The following SVOPL variants were observed in gnomAD, a reference collection of about 807,000 sequenced individuals.
SVOPL encodes the protein SVOP like, also known as putative transporter SVOPL.
A neutral mutation model predicts 61.0 loss-of-function variants in SVOPL; 60 were observed. The ratio of observed to expected loss-of-function variants is 0.98; its 90% confidence interval spans 0.80 to 1.22. The LOEUF (loss-of-function observed/expected upper bound fraction) is 1.22. Among genes scored for constraint, SVOPL ranks in the 50% most tolerant of loss-of-function variants. The pLI is 0.00. For synonymous variants in SVOPL, 279 were observed against 250.0 expected (o/e 1.12, Z -1.09); for missense variants, 662 against 643.9 (o/e 1.03, Z -0.30).
intron 5 of SVOPL, chr7:138,661,970 C>T (rs1802022384): frequency 2.0e-6 from 2 of 985,336 alleles, no homozygotes; most frequent in South Asian, 4.7e-5. Context: ...TCCTCTTGAA[C>T]TTGCTGCATG....
At chr7:138,648,172 G>A (rs915740195) in intron 8 of SVOPL, among the ~76,000 whole-genome samples, 11 of 152,128 alleles carry the variant, frequency 7.2e-5, no homozygotes, top group Admixed American at 1.3e-4. Context: ...GCATCCAACA[G>A]GTGGTGCTGA....
chr7:138,617,125 C>T (rs1405741624), intron 14 of SVOPL, among the ~76,000 whole-genome samples: 4 of 152,116 alleles, frequency 2.6e-5, no homozygotes, highest in African/African-American at 4.8e-5. Flanking sequence ...CCCTCCACCA[C>T]GCCTGGCCTA....
intron 4 of SVOPL, among the ~76,000 whole-genome samples, chr7:138,667,156 T>C (rs543352625): frequency 6.6e-6 from 1 of 152,290 alleles, no homozygotes; most frequent in South Asian, 2.1e-4. Context: ...TCGGGACTCC[T>C]AAACTCATTA....
chr7:138,638,681 G>A (rs893066975), intron 9 of SVOPL, among the ~76,000 whole-genome samples: 3 of 151,968 alleles, frequency 2.0e-5, no homozygotes, highest in African/African-American at 4.8e-5. Context: ...AAGGTCCAAA[G>A]CCATATAAAT....
intron 9 of SVOPL, among the ~76,000 whole-genome samples, chr7:138,631,508 G>A (rs1041483711): frequency 6.6e-6 from 1 of 151,790 alleles, no homozygotes; most frequent in Non-Finnish European, 1.5e-5. Context: ...CAAGACCCAC[G>A]GCACATTCCC....
chr7:138,619,752 C>T (rs1799467597), intron 14 of SVOPL, among the ~76,000 whole-genome samples: 1 of 152,172 alleles, frequency 6.6e-6, no homozygotes, highest in African/African-American at 2.4e-5. Flanking sequence ...TTATGTATAA[C>T]CCTGACTGTG....
intron 13 of SVOPL, among the ~76,000 whole-genome samples, chr7:138,622,266 C>G (rs201348902): frequency 5.2e-4 from 45 of 86,676 alleles, no homozygotes; most frequent in Non-Finnish European, 7.4e-4. Flanking sequence ...ATCTATCTAT[C>G]TATGTATCTA....
intron 1 of SVOPL, among the ~76,000 whole-genome samples, chr7:138,686,405 C>CAAAAAAA (rs200553829): frequency 2.3e-5 from 2 of 88,738 alleles, no homozygotes; most frequent in African/African-American, 8.4e-5. Flanking sequence ...GACTCCGCCT[C>CAAAAAAA]AAAAAAAAAA....
At chr7:138,680,681 C>A (rs971865593) in intron 1 of SVOPL, among the ~76,000 whole-genome samples, 9 of 152,008 alleles carry the variant, frequency 5.9e-5, no homozygotes, top group Non-Finnish European at 1.0e-4. Context: ...CGGGTTCATG[C>A]CATTCTCCTG....
intron 13 of SVOPL, among the ~76,000 whole-genome samples, chr7:138,623,579 G>A (rs562764021): frequency 1.3e-5 from 2 of 151,846 alleles, no homozygotes; most frequent in Non-Finnish European, 2.9e-5. Flanking sequence ...CAGCCTGGGC[G>A]ACAGAACAAG....
At chr7:138,634,398 T>G (rs1217603083) in intron 9 of SVOPL, among the ~76,000 whole-genome samples, 1 of 151,606 alleles carries the variant, frequency 6.6e-6, no homozygotes, top group Non-Finnish European at 1.5e-5. Context: ...ATTCCAGCAC[T>G]TTGGGAGGCC....
In SVOPL at chr7:138,620,225, A is replaced by G. The variant is rs537690076; in HGVS notation, c.1353+821T>C. ...AACCTCTGCCTCCCGGGTTCGAGTG[A>G]TTCTCGTGCCTCAGCCTCCTGAGTA... is the stretch of plus-strand genomic sequence containing the variant. On this transcript the variant is annotated intron_variant, in intron 14 of 15. Coordinates refer to ENST00000674285, the MANE Select transcript of SVOPL (RefSeq NM_001139456.2). Among the ~76,000 whole-genome samples the G allele has an allele frequency of 1.5e-4, 21 of 140,620 alleles. No individual in the cohort carries two copies. In the East Asian group the frequency reaches 4.1e-3, roughly 27 times the overall value. 92.3% of individuals were successfully genotyped at this position (140,620 alleles called of 152,430 possible). A position where few individuals can be genotyped will look rare whatever the true frequency, so the allele number is the denominator to read the frequency against.
chr7:138,652,503 C>T (rs949950467), intron 7 of SVOPL, among the ~76,000 whole-genome samples: 1 of 152,166 alleles, frequency 6.6e-6, no homozygotes, highest in Non-Finnish European at 1.5e-5. Context: ...TTATTTAAAT[C>T]TAAAGCTAGA....
intron 14 of SVOPL, among the ~76,000 whole-genome samples, chr7:138,602,130 C>A (rs554553550): frequency 7.2e-5 from 11 of 152,056 alleles, no homozygotes; most frequent in African/African-American, 2.2e-4. Context: ...ATCACTTGAG[C>A]CCAAAGTTTG....
chr7:138,644,197 CAAAAAAAAAAAAAAAAAA>C (rs71179714), intron 9 of SVOPL, among the ~76,000 whole-genome samples: 1 of 50,384 alleles, frequency 2.0e-5, no homozygotes, highest in Admixed American at 3.0e-4. Context: ...AAGACTCCAT[CAAAAAAAAAAAAAAAAAA>C]AAAAAAAAAA....
At chr7:138,646,955 C>T (rs993190921) in intron 8 of SVOPL, among the ~76,000 whole-genome samples, 2 of 152,234 alleles carry the variant, frequency 1.3e-5, no homozygotes, top group African/African-American at 4.8e-5. Context: ...ATAGAAGGCA[C>T]TGGCCAACTG....
chr7:138,654,884 TTAA>T lies in SVOPL; in HGVS notation c.534+1561_534+1563del, dbSNP rs1266626229. Among the ~76,000 whole-genome samples the T allele has an allele frequency of 4.2e-3, 417 of 100,354 alleles. 9 individuals carry two copies. The highest frequency in any genetic ancestry group is 0.024 in the Admixed American group (257 of 10,816). The allele number at this position is 100,354 out of a possible 152,430, so 65.8% of individuals were successfully genotyped here. A position where few individuals can be genotyped will look rare whatever the true frequency, so the allele number is the denominator to read the frequency against. On this transcript the variant is annotated intron_variant, in intron 7 of 15. Transcript: ENST00000674285. ...TTTCACTTCCTTTTTTTTTTTTTTT[TTAA>T]AAAAAAAAAGAATTCAGAGCCTGCT...
At chr7:138,664,756 C>T (rs1388591528) in intron 4 of SVOPL, among the ~76,000 whole-genome samples, 1 of 145,674 alleles carries the variant, frequency 6.9e-6, no homozygotes, top group Non-Finnish European at 1.5e-5. Context: ...TGCGCCCTTC[C>T]CCCCTCCCCC....
intron 8 of SVOPL, among the ~76,000 whole-genome samples, chr7:138,645,413 G>A (rs1484138282): frequency 6.6e-6 from 1 of 152,160 alleles, no homozygotes; most frequent in African/African-American, 2.4e-5. Flanking sequence ...AATCAAGGCT[G>A]TTGGCTCTTC....
Sources: gnomAD v4.1 joint callset for allele counts (sites outside exome capture counted in the v4.1 genomes callset) on GRCh38, gnomAD v4.1.1 for gene constraint, MANE v1.5 for transcripts, NCBI Gene and HGNC (gene_info 2026-07-23, HGNC 2026-07-21) for gene names.